The following ARHGEF28 variants were observed in gnomAD, a reference collection of about 807,000 sequenced individuals.
ARHGEF28 encodes the protein 190 kDa guanine nucleotide exchange factor.
A neutral mutation model predicts 206.6 loss-of-function variants in ARHGEF28; 152 were observed. That is an observed-to-expected ratio of 0.74 (90% CI 0.64 to 0.84). The LOEUF (loss-of-function observed/expected upper bound fraction) is 0.84. Among genes scored for constraint, ARHGEF28 ranks in the 40% least tolerant of loss-of-function variants. The pLI is 0.00. For synonymous variants in ARHGEF28, 763 were observed against 776.4 expected (o/e 0.98, Z 0.29); for missense variants, 2,028 against 2,073.2 (o/e 0.98, Z 0.42).
Position 73,911,454 on chromosome 5 carries a change from A to G in ARHGEF28, c.4827A>G (p.Gln1609=). Residue 1609 remains glutamine (Q), a synonymous_variant, in exon 35 of 36, where the codon CAA becomes CAG. Coordinates refer to ENST00000513042, the MANE Select transcript of ARHGEF28 (RefSeq NM_001177693.2). Reference sequence around the variant, plus strand: ...ACTTGGTGAGGACTAGTGAACATCAAGTAGACCTCAAGGTGGACCCTTCTC... The same window carrying G: ...ACTTGGTGAGGACTAGTGAACATCAGGTAGACCTCAAGGTGGACCCTTCTC... ...HSDLVRTSEH[Q]VDLKVDPSQP... 6 of 1,614,046 alleles carry G rather than the reference A, an allele frequency of 3.7e-6. No individual in the cohort carries two copies. The highest frequency in any genetic ancestry group is 1.1e-5 in the South Asian group (1 of 91,074).
intron 6 of ARHGEF28, among the ~76,000 whole-genome samples, chr5:73,779,614 G>T (rs183133726): frequency 4.6e-5 from 7 of 152,260 alleles, no homozygotes; most frequent in Admixed American, 2.6e-4. Context: ...GTGGCTGGCT[G>T]TCTTAGACCT....
intron 9 of ARHGEF28, chr5:73,813,522 C>T (rs1755974318): frequency 6.5e-7 from 1 of 1,527,762 alleles, no homozygotes; most frequent in South Asian, 1.2e-5. Flanking sequence ...TGCCTCCTGG[C>T]TGGGGACGCC....
At chr5:73,831,560 G>A (rs750689714) in intron 9 of ARHGEF28, among the ~76,000 whole-genome samples, 1 of 152,210 alleles carries the variant, frequency 6.6e-6, no homozygotes, top group Non-Finnish European at 1.5e-5. Context: ...TACTCTCTTG[G>A]GTCCTTTGAT....
chr5:73,853,078 A>G (rs1400594068), intron 14 of ARHGEF28, among the ~76,000 whole-genome samples: 3 of 152,260 alleles, frequency 2.0e-5, no homozygotes, highest in African/African-American at 4.8e-5. Flanking sequence ...GTGCCTAAAC[A>G]TCCCTACTGT....
chr5:73,894,325 G>T lies in ARHGEF28; in HGVS notation c.3659-68G>T, dbSNP rs540095317. Reference sequence around the variant, plus strand: ...CTTGCTAATTAGCAACATCTTTTTCGTGGACTTTCACATTAGTGGTTGTAT... The same window carrying T: ...CTTGCTAATTAGCAACATCTTTTTCTTGGACTTTCACATTAGTGGTTGTAT... On this transcript the variant is annotated intron_variant, in intron 28 of 35. Transcript: ENST00000513042. The T allele has an allele frequency of 5.6e-6, 8 of 1,437,016 alleles. 1 individual carries two copies. The highest frequency in any genetic ancestry group is 3.6e-4 in the Middle Eastern group (2 of 5,628). 89.0% of individuals were successfully genotyped at this position (1,437,016 alleles called of 1,614,324 possible). A position where few individuals can be genotyped will look rare whatever the true frequency, so the allele number is the denominator to read the frequency against.
At chr5:73,689,541 C>A (rs769168543) in intron 2 of ARHGEF28, among the ~76,000 whole-genome samples, 2 of 152,050 alleles carry the variant, frequency 1.3e-5, no homozygotes, top group Non-Finnish European at 2.9e-5. Flanking sequence ...CATGGCAGTT[C>A]CCTGAGTTGC....
At chr5:73,881,626 G>A (rs189676889) in intron 22 of ARHGEF28, among the ~76,000 whole-genome samples, 2 of 152,168 alleles carry the variant, frequency 1.3e-5, no homozygotes, top group South Asian at 2.1e-4. Context: ...ACCAGAGGTC[G>A]TGATGTAAAT....
At chr5:73,712,490 GGCTTGGTACCTACAGT>G (rs1479057811) in intron 2 of ARHGEF28, among the ~76,000 whole-genome samples, 1 of 152,118 alleles carries the variant, frequency 6.6e-6, no homozygotes, top group East Asian at 1.9e-4. Context: ...CTCCATAAGT[GGCTTGGTACCTACAGT>G]GCTAGCACCA....
At position 73,794,892 on chromosome 5, in the gene ARHGEF28, C is replaced by T. The variant is rs558474279; in HGVS notation, c.963+438C>T. Among the ~76,000 whole-genome samples the T allele has an allele frequency of 1.2e-4, 19 of 152,332 alleles. No homozygotes were observed. The South Asian group carries it at 3.7e-3, about 30-fold the overall frequency. ...CAAGTGCTGGGATTACAGGCATGAG[C>T]CACCGTGCCCAGCCCCATTTTCTTT... is the stretch of plus-strand genomic sequence containing the variant. On this transcript the variant is annotated intron_variant, in intron 8 of 35. Coordinates refer to ENST00000513042, the MANE Select transcript of ARHGEF28 (RefSeq NM_001177693.2).
At chr5:73,874,124 T>C (rs72772569) in intron 22 of ARHGEF28, among the ~76,000 whole-genome samples, 5,561 of 152,310 alleles carry the variant, frequency 0.037, 175 homozygotes, top group Non-Finnish European at 0.052. Flanking sequence ...TCATGGCTAA[T>C]GATATTAAAT....
intron 1 of ARHGEF28, among the ~76,000 whole-genome samples, chr5:73,644,343 A>G (rs950922514): frequency 2.0e-5 from 3 of 152,132 alleles, no homozygotes; most frequent in African/African-American, 7.2e-5. Context: ...TTCAGATTTT[A>G]CCATTTCTCT....
chr5:73,639,805 A>C (rs1743954419), intron 1 of ARHGEF28, among the ~76,000 whole-genome samples: 1 of 152,166 alleles, frequency 6.6e-6, no homozygotes. Flanking sequence ...ACATTTATGC[A>C]ATTAGAGGCA....
At chr5:73,866,592 C>T (rs369202482) in intron 18 of ARHGEF28, among the ~76,000 whole-genome samples, 19 of 152,190 alleles carry the variant, frequency 1.2e-4, no homozygotes, top group African/African-American at 4.6e-4. Context: ...TTTAGAATGA[C>T]CGTGAAATTT....
intron 9 of ARHGEF28, among the ~76,000 whole-genome samples, chr5:73,816,858 C>T (rs1051381679): frequency 7.2e-5 from 11 of 152,300 alleles, no homozygotes; most frequent in Admixed American, 2.0e-4. Context: ...AGCCCCAGGA[C>T]AGGCCATACT....
At chr5:73,877,863 A>G (rs969909758) in intron 22 of ARHGEF28, among the ~76,000 whole-genome samples, 7 of 152,080 alleles carry the variant, frequency 4.6e-5, no homozygotes, top group African/African-American at 1.7e-4. Context: ...ATTTTGGAAT[A>G]GGTGTGGTGT....
At chr5:73,916,342 T>C (rs1763210421) in intron 35 of ARHGEF28, among the ~76,000 whole-genome samples, 1 of 152,196 alleles carries the variant, frequency 6.6e-6, no homozygotes, top group Admixed American at 6.5e-5. Flanking sequence ...TTCTATGATG[T>C]GAGTGTATTT....
intron 29 of ARHGEF28, among the ~76,000 whole-genome samples, chr5:73,895,055 G>T (rs570407256): frequency 6.6e-6 from 1 of 152,166 alleles, no homozygotes; most frequent in Non-Finnish European, 1.5e-5. Context: ...ATGAGTCCAG[G>T]GTTCACTAGG....
rs183127395 is a variant in ARHGEF28, at chr5:73,887,599, A to G, written c.3311-4A>G. 1,281 of 1,548,944 alleles carry G rather than the reference A, an allele frequency of 8.3e-4. 5 individuals carry two copies. Among genetic ancestry groups the G allele is most frequent in the African/African-American group, 6.9e-3 (505 of 73,086 alleles). Reference sequence around the variant, plus strand: ...TTAATACTAGTAATGTTTTTTCTTTAAAGATATCCTAGCTCTACTTCTAAC... The same window carrying G: ...TTAATACTAGTAATGTTTTTTCTTTGAAGATATCCTAGCTCTACTTCTAAC... On this transcript the variant is annotated splice_polypyrimidine_tract_variant and splice_region_variant and intron_variant, in intron 25 of 35. Transcript: ENST00000513042.
intron 1 of ARHGEF28, among the ~76,000 whole-genome samples, chr5:73,652,104 A>G (rs563471121): frequency 7.2e-6 from 1 of 138,000 alleles, no homozygotes; most frequent in African/African-American, 2.8e-5. Flanking sequence ...CTGCCAGTCC[A>G]TGTTCTCCTT....
Sources: gnomAD v4.1 joint callset for allele counts (sites outside exome capture counted in the v4.1 genomes callset) on GRCh38, gnomAD v4.1.1 for gene constraint, MANE v1.5 for transcripts, NCBI Gene and HGNC (gene_info 2026-07-23, HGNC 2026-07-21) for gene names.